Variants in ZNF705G observed in about 807,000 individuals in gnomAD.
ZNF705G encodes putative zinc finger protein 705G.
Under a neutral mutation model 19.6 loss-of-function variants are expected in ZNF705G, and 23 were observed. The ratio of observed to expected loss-of-function variants is 1.17; its 90% CI spans 0.84 to 1.66. The LOEUF (loss-of-function observed/expected upper bound fraction) is 1.66, where lower values mean the gene tolerates loss of function less well. ZNF705G is among the 40% of genes most tolerant of loss of function. The pLI, the probability that ZNF705G is intolerant of heterozygous loss-of-function variation, is 0.00. For synonymous variants in ZNF705G, 146 were observed against 117.7 expected (o/e 1.24, Z -1.56); for missense variants, 457 against 354.4 (o/e 1.29, Z -2.32).
At chr8:7,383,753 C>G (rs1372246974) in intron 1 of ZNF705G, among the ~76,000 whole-genome samples, 1 of 149,442 alleles carries the variant, frequency 6.7e-6, no homozygotes, top group South Asian at 2.1e-4. Flanking sequence ...CCTTTCACCA[C>G]ATAACAACAC....
chr8:7,358,519 A>C lies in ZNF705G; in HGVS notation c.360T>G (p.Asp120Glu), dbSNP rs768235401. Residue 120 changes from aspartate (D) to glutamate (E), a missense_variant, in exon 7 of 7, where the codon GAT becomes GAG. By Grantham distance (45) the Asp-to-Glu change is conservative (BLOSUM62 2). Coordinates refer to ENST00000400156, the MANE Select transcript of ZNF705G (RefSeq NM_001164457.3). ...LILEDPFECN[D>E]SGEDCTRSST... ...AACTGCGAGTGCAATCTTCTCCCGA[A>C]TCATTACATTCAAAAGGATCCTCCA... 48 of 1,607,434 alleles carry C rather than the reference A, an allele frequency of 3.0e-5. 8 individuals carry two copies. In the African/African-American group the frequency reaches 6.2e-4, roughly 21 times the overall value.
Position 7,357,329 on chromosome 8 carries a change from T to C in ZNF705G, c.*647A>G, listed in dbSNP as rs924078742. ...CTTATTTAGCTCATGAAGGCTTTCC[T>C]CTCTTATTTTCCATTTTAGCAGCAT... is the stretch of plus-strand genomic sequence containing the variant. On this transcript the variant is annotated 3_prime_UTR_variant, in exon 7 of 7. Transcript: ENST00000400156. The C allele has an allele frequency of 6.5e-6, 1 of 152,874 alleles. No homozygotes were observed. The highest frequency in any genetic ancestry group is 1.4e-5 in the Non-Finnish European group (1 of 69,654). 9.5% of individuals were successfully genotyped at this position (152,874 alleles called of 1,614,324 possible).
At chr8:7,379,409 A>T (rs1424011426) in intron 2 of ZNF705G, among the ~76,000 whole-genome samples, 1 of 147,344 alleles carries the variant, frequency 6.8e-6, no homozygotes, top group African/African-American at 2.7e-5. Context: ...TAAAGCCGTC[A>T]CATAGAATAT....
intron 3 of ZNF705G, among the ~76,000 whole-genome samples, chr8:7,361,761 A>G (rs1806611011): frequency 6.7e-6 from 1 of 149,198 alleles, no homozygotes; most frequent in Admixed American, 6.6e-5. Context: ...TTTCCTATCT[A>G]GCAAATATTT....
intron 3 of ZNF705G, among the ~76,000 whole-genome samples, chr8:7,361,569 C>T (rs1473462465): frequency 2.0e-5 from 3 of 149,602 alleles, no homozygotes; most frequent in African/African-American, 5.1e-5. Context: ...ATGAAATTTA[C>T]CATGAATTTC....
chr8:7,362,802 G>A, intron 3 of ZNF705G, 133 bp downstream of exon 3: 2 of 1,576,754 alleles, frequency 1.3e-6, no homozygotes, highest in Non-Finnish European at 1.7e-6. Context: ...ACCCAGGCAG[G>A]GTGGATTTTA....
intron 3 of ZNF705G, among the ~76,000 whole-genome samples, chr8:7,362,018 A>C (rs2128837218): frequency 6.7e-6 from 1 of 149,694 alleles, no homozygotes; most frequent in Admixed American, 6.6e-5. Flanking sequence ...TGTGATATGA[A>C]GCTTTCTGTT....
chr8:7,361,735 A>G lies in ZNF705G; in HGVS notation c.13-499T>C, dbSNP rs1456067297. On this transcript the variant is annotated intron_variant, in intron 3 of 6. Coordinates refer to ENST00000400156, the MANE Select transcript of ZNF705G (RefSeq NM_001164457.3). ...TGATGTGTTTTGAATAATCTAATGAACTAATAGAAAACGTGTTTCCTATCT... is the reference window on the plus strand; with the variant it reads ...TGATGTGTTTTGAATAATCTAATGAGCTAATAGAAAACGTGTTTCCTATCT... Among the ~76,000 whole-genome samples, 11 of 149,634 alleles carry G rather than the reference A, an allele frequency of 7.4e-5. 1 individual carries two copies. Among genetic ancestry groups the G allele is most frequent in the Non-Finnish European group, 1.3e-4 (9 of 68,012 alleles).
intron 1 of ZNF705G, among the ~76,000 whole-genome samples, chr8:7,383,433 CT>C (rs1220808695): frequency 6.8e-6 from 1 of 146,564 alleles, no homozygotes; most frequent in Non-Finnish European, 1.5e-5. Flanking sequence ...GATTACCTTA[CT>C]TCCTCAGCCC....
intron 2 of ZNF705G, among the ~76,000 whole-genome samples, chr8:7,365,025 A>G (rs558008287): frequency 1.3e-5 from 2 of 149,820 alleles, no homozygotes; most frequent in East Asian, 1.9e-4. Context: ...TAACCCAAAC[A>G]TGAATGAAAA....
At chr8:7,381,917 A>G (rs1469489251) in intron 1 of ZNF705G, among the ~76,000 whole-genome samples, 7 of 151,978 alleles carry the variant, frequency 4.6e-5, no homozygotes, top group Non-Finnish European at 7.3e-5. Context: ...ATGAACATAC[A>G]TAGAGTAAAT....
chr8:7,380,598 C>T lies in ZNF705G; in HGVS notation c.-72+854G>A, dbSNP rs866343821. On this transcript the variant is annotated intron_variant, in intron 2 of 6. Transcript: ENST00000400156. The stretch of plus-strand genomic sequence containing the variant: ...TACTCTGTCCATCATGTTGCCATGA[C>T]TGTTGGTGTCTGCACATGCCATCTG... Among the ~76,000 whole-genome samples the T allele has an allele frequency of 8.9e-5, 13 of 146,844 alleles. 2 individuals carry two copies. The highest frequency in any genetic ancestry group is 3.6e-4 in the African/African-American group (13 of 36,414).
At position 7,358,577 on chromosome 8, in the gene ZNF705G, A is replaced by T; in HGVS notation, c.319-17T>A. 1.9e-6 allele frequency: 3 copies of T among 1,606,924 alleles called. 1 individual carries two copies. In the African/African-American group the frequency reaches 4.2e-5, roughly 23 times the overall value. ...AGAGTTCTCCTTTGGGGCAAATATT[A>T]AAAGCTCTTAATGGTTTACCCACAT... On this transcript the variant is annotated splice_polypyrimidine_tract_variant and intron_variant, in intron 6 of 6. Transcript: ENST00000400156.
Position 7,363,829 on chromosome 8 carries a change from A to G in ZNF705G, c.-71-812T>C, listed in dbSNP as rs1345097550. Among the ~76,000 whole-genome samples, 8 of 149,226 alleles carry G rather than the reference A, an allele frequency of 5.4e-5. 2 individuals carry two copies. The highest frequency in any genetic ancestry group is 2.1e-4 in the African/African-American group (8 of 38,696). On this transcript the variant is annotated intron_variant, in intron 2 of 6. Transcript: ENST00000400156. ...GAGCGAGACTCTGTCTCAAAAAAAA[A>G]AATCTGTTTTAGGATGGGGATAATC...
intron 2 of ZNF705G, among the ~76,000 whole-genome samples, chr8:7,367,919 C>A (rs538773664): frequency 1.3e-5 from 2 of 149,638 alleles, no homozygotes; most frequent in Non-Finnish European, 2.9e-5. Flanking sequence ...GGCCAGTTCA[C>A]ATCTCAGTGC....
chr8:7,359,543 T>A (rs1428473526), intron 6 of ZNF705G, 76 bp downstream of exon 6: 59 of 1,590,558 alleles, frequency 3.7e-5, no homozygotes, highest in Non-Finnish European at 5.0e-5. Context: ...ACTCAGGTGA[T>A]TGTGCTTCAT....
intron 2 of ZNF705G, among the ~76,000 whole-genome samples, chr8:7,363,447 C>G (rs1303504860): frequency 6.7e-6 from 1 of 148,970 alleles, no homozygotes; most frequent in African/African-American, 2.6e-5. Context: ...CCACAGCCTT[C>G]TGAAGCCTTA....
chr8:7,369,169 C>T (rs1158878999), intron 2 of ZNF705G, among the ~76,000 whole-genome samples: 3 of 149,378 alleles, frequency 2.0e-5, no homozygotes, highest in Admixed American at 6.6e-5. Flanking sequence ...ATTCAGTTAT[C>T]GCCACTGGGT....
intron 2 of ZNF705G, among the ~76,000 whole-genome samples, chr8:7,367,258 T>C (rs1806898869): frequency 6.7e-6 from 1 of 149,378 alleles, no homozygotes; most frequent in African/African-American, 2.6e-5. Context: ...GCTCTTCCCC[T>C]ACCCACTAGA....
Sources: allele counts gnomAD v4.1 joint callset (sites outside exome capture counted in the v4.1 genomes callset), GRCh38; gene constraint gnomAD v4.1.1; transcripts MANE v1.5; gene names NCBI Gene and HGNC (gene_info 2026-07-23, HGNC 2026-07-21).